ZMAT4: variants seen among roughly 807,000 people sequenced by gnomAD.
ZMAT4 encodes zinc finger matrin-type protein 4.
Under a neutral mutation model 28.7 loss-of-function variants are expected in ZMAT4, and 17 were observed. That is an observed-to-expected ratio of 0.59 (90% CI 0.41 to 0.89). ZMAT4 has a LOEUF of 0.89. ZMAT4 is among the 40% of genes least tolerant of loss of function. The pLI, the probability that ZMAT4 is intolerant of heterozygous loss-of-function variation, is 0.00. For synonymous variants in ZMAT4, 117 were observed against 109.2 expected, an observed-to-expected ratio of 1.07 and a Z score of -0.44; for missense variants, 240 against 283.8, an observed-to-expected ratio of 0.85 and a Z score of 1.11.
chr8:40,762,170 C>T (rs1439371813), intron 3 of ZMAT4, among the ~76,000 whole-genome samples: 2 of 152,194 alleles, frequency 1.3e-5, no homozygotes, highest in East Asian at 1.9e-4. Flanking sequence ...ACCTCGACTC[C>T]TGCCTCTGCC....
intron 6 of ZMAT4, among the ~76,000 whole-genome samples, chr8:40,577,956 C>T (rs1304693685): frequency 1.3e-5 from 2 of 151,788 alleles, no homozygotes; most frequent in Non-Finnish European, 1.5e-5. Flanking sequence ...TATAAACAAA[C>T]GCTGGTATAT....
At chr8:40,626,650 A>G (rs1282992354) in intron 5 of ZMAT4, among the ~76,000 whole-genome samples, 2 of 152,174 alleles carry the variant, frequency 1.3e-5, no homozygotes, top group Non-Finnish European at 2.9e-5. Context: ...CTGTAGCCAT[A>G]ACATTGAGAA....
chr8:40,860,694 G>A (rs927543610), intron 1 of ZMAT4, among the ~76,000 whole-genome samples: 1 of 152,226 alleles, frequency 6.6e-6, no homozygotes, highest in African/African-American at 2.4e-5. Flanking sequence ...ACTGGGAAGA[G>A]CTTCTGGCTT....
intron 2 of ZMAT4, among the ~76,000 whole-genome samples, chr8:40,823,911 A>G (rs1047918514): frequency 5.3e-5 from 8 of 152,214 alleles, no homozygotes; most frequent in Non-Finnish European, 1.2e-4. Context: ...TCATCAAAAC[A>G]TTGCTGCAAA....
chr8:40,583,074 A>G (rs1033284689), intron 5 of ZMAT4, among the ~76,000 whole-genome samples: 3 of 152,184 alleles, frequency 2.0e-5, no homozygotes, highest in East Asian at 1.9e-4. Flanking sequence ...AGAGAGAGCT[A>G]TATTGTACCG....
chr8:40,755,539 G>A (rs866837194), intron 3 of ZMAT4, among the ~76,000 whole-genome samples: 13 of 152,016 alleles, frequency 8.6e-5, no homozygotes, highest in Admixed American at 7.2e-4. Flanking sequence ...TGCAACCTCC[G>A]CCTCCCGGGT....
intron 2 of ZMAT4, among the ~76,000 whole-genome samples, chr8:40,774,878 C>T (rs111492679): frequency 0.011 from 1,615 of 152,210 alleles, 21 homozygotes; most frequent in African/African-American, 0.037. Context: ...TTTTAGATTA[C>T]TTAGAAGATC....
chr8:40,706,286 C>T (rs1293912881), intron 3 of ZMAT4, among the ~76,000 whole-genome samples: 1 of 152,150 alleles, frequency 6.6e-6, no homozygotes, highest in Admixed American at 6.5e-5. Flanking sequence ...AATCTCCTGA[C>T]CCCGTGATCC....
chr8:40,717,386 G>T (rs1310202133), intron 3 of ZMAT4, among the ~76,000 whole-genome samples: 1 of 152,190 alleles, frequency 6.6e-6, no homozygotes, highest in Non-Finnish European at 1.5e-5. Context: ...AGGGTACAGT[G>T]GCTCACGCCT....
intron 5 of ZMAT4, among the ~76,000 whole-genome samples, chr8:40,605,886 A>G (rs1370079372): frequency 1.3e-5 from 2 of 152,072 alleles, no homozygotes; most frequent in African/African-American, 2.4e-5. Flanking sequence ...AAGGATTGTG[A>G]TATTTTCCTG....
intron 5 of ZMAT4, among the ~76,000 whole-genome samples, chr8:40,643,767 C>T (rs9650328): frequency 0.014 from 1,538 of 113,802 alleles, 25 homozygotes; most frequent in African/African-American, 0.046. Context: ...GAAGAGTGTG[C>T]GTCTGTGTGT....
intron 1 of ZMAT4, among the ~76,000 whole-genome samples, chr8:40,853,549 C>A (rs185282486): frequency 2.0e-5 from 3 of 152,254 alleles, no homozygotes; most frequent in African/African-American, 4.8e-5. Context: ...GTGCAAGACT[C>A]CGTCTCAAAA....
chr8:40,776,294 A>G (rs1387011196), intron 2 of ZMAT4, among the ~76,000 whole-genome samples: 1 of 152,250 alleles, frequency 6.6e-6, no homozygotes, highest in African/African-American at 2.4e-5. Context: ...AACACTTACC[A>G]TAAAAAGTAT....
intron 5 of ZMAT4, among the ~76,000 whole-genome samples, chr8:40,639,763 C>G (rs1238179391): frequency 6.6e-5 from 6 of 91,316 alleles, no homozygotes; most frequent in Middle Eastern, 6.1e-3. Context: ...AAAATTAAGT[C>G]CTTTTGTTAC....
chr8:40,638,852 G>C (rs986463035), intron 5 of ZMAT4, among the ~76,000 whole-genome samples: 6 of 152,214 alleles, frequency 3.9e-5, no homozygotes, highest in African/African-American at 1.4e-4. Context: ...AATAAAAAAG[G>C]ATAATGAAGA....
At chr8:40,582,716 G>C (rs2118549904) in intron 5 of ZMAT4, among the ~76,000 whole-genome samples, 1 of 152,264 alleles carries the variant, frequency 6.6e-6, no homozygotes, top group East Asian at 1.9e-4. Context: ...CAAATTATTT[G>C]ACCCTTCTGG....
chr8:40,578,192 G>A (rs1393318692), intron 6 of ZMAT4, among the ~76,000 whole-genome samples: 1 of 151,976 alleles, frequency 6.6e-6, no homozygotes, highest in Non-Finnish European at 1.5e-5. Context: ...ATAACACTGA[G>A]ACAGAATATA....
rs188552258 is a variant in ZMAT4, at chr8:40,558,248, A to G, written c.674+22917T>C. Among the ~76,000 whole-genome samples the G allele has an allele frequency of 5.3e-4, 81 of 152,206 alleles. 1 individual carries two copies. Among genetic ancestry groups the G allele is most frequent in the Admixed American group, 2.0e-3 (31 of 15,274 alleles). ...AGAGTCCGAATCCTCTTCTGAGTAC[A>G]ATGGGAAGCTGTCAGTGGATTGCCA... On this transcript the variant is annotated intron_variant, in intron 6 of 6. Transcript: ENST00000297737.
rs1249210365 is a variant in ZMAT4, at chr8:40,531,213, T to A, written c.*1010A>T. 1 of 152,134 alleles carries A rather than the reference T, an allele frequency of 6.6e-6. No individual in the cohort carries two copies. The highest frequency in any genetic ancestry group is 1.5e-5 in the Non-Finnish European group (1 of 68,040). 9.4% of individuals were successfully genotyped at this position (152,134 alleles called of 1,614,324 possible). A position where few individuals can be genotyped will look rare whatever the true frequency, so the allele number is the denominator to read the frequency against. On this transcript the variant is annotated 3_prime_UTR_variant, in exon 7 of 7. Coordinates refer to ENST00000297737, the MANE Select transcript of ZMAT4 (RefSeq NM_024645.3). ...CCCCATCAGAAAGGAACTGTTTTCT[T>A]TATCGGTCATGCTCTTTCCAGAGTG...
Sources: allele counts gnomAD v4.1 joint callset (sites outside exome capture counted in the v4.1 genomes callset), GRCh38; gene constraint gnomAD v4.1.1; transcripts MANE v1.5; gene names NCBI Gene and HGNC (gene_info 2026-07-23, HGNC 2026-07-21).